KLF12: variants seen among roughly 807,000 people sequenced by gnomAD.
KLF12 encodes KLF transcription factor 12, also known as Krueppel-like factor 12.
Under a neutral mutation model 37.8 loss-of-function variants are expected in KLF12, and 9 were observed. That is an observed-to-expected ratio of 0.24 (90% confidence interval 0.14 to 0.42). The LOEUF (loss-of-function observed/expected upper bound fraction) is 0.42, where lower values mean the gene tolerates loss of function less well. KLF12 is among the 10% of genes least tolerant of loss of function. The pLI is 1.00. For synonymous variants in KLF12, 208 were observed against 202.1 expected, an observed-to-expected ratio of 1.03 and a Z score of -0.25; for missense variants, 411 against 516.0, an observed-to-expected ratio of 0.80 and a Z score of 1.97.
At chr13:74,051,259 C>T (rs940712454) in intron 1 of KLF12, among the ~76,000 whole-genome samples, 1 of 151,852 alleles carries the variant, frequency 6.6e-6, no homozygotes, top group African/African-American at 2.4e-5. Context: ...CAGCAGTAAT[C>T]ACAATATTTG....
chr13:73,887,020 AAGTATAACTTTTTT>A (rs1887260411), intron 3 of KLF12, among the ~76,000 whole-genome samples: 1 of 151,900 alleles, frequency 6.6e-6, no homozygotes, highest in Non-Finnish European at 1.5e-5. Flanking sequence ...AAGAAAAGAA[AAGTATAACTTTTTT>A]AGCATATCCA....
intron 1 of KLF12, among the ~76,000 whole-genome samples, chr13:74,124,916 C>T (rs538481698): frequency 2.0e-5 from 3 of 152,164 alleles, no homozygotes; most frequent in South Asian, 2.1e-4. Context: ...AGCAGCAAGG[C>T]GGGTGGATCA....
the KLF12 span, among the ~76,000 whole-genome samples, chr13:74,287,349 T>TGTGAGAGAGAGAGAGAGA: frequency 4.2e-5 from 3 of 71,866 alleles, no homozygotes; most frequent in Non-Finnish European, 2.5e-5. Context: ...CTATCAAAGT[T>TGTGAGAGAGAGAGAGAGA]GAGAGAGAGA....
chr13:74,192,944 A>G, the KLF12 span, among the ~76,000 whole-genome samples: 2 of 151,414 alleles, frequency 1.3e-5, no homozygotes, highest in Non-Finnish European at 2.9e-5. Context: ...CCTTAGAATC[A>G]GATTGAAAGC....
rs532292204 is a variant in KLF12, at chr13:73,926,918, T to A, written c.123+17063A>T. Among the ~76,000 whole-genome samples the A allele has an allele frequency of 2.1e-5, 3 of 142,390 alleles. No homozygotes were observed. The East Asian group carries it at 6.4e-4, about 30-fold the overall frequency. 93.4% of individuals were successfully genotyped at this position (142,390 alleles called of 152,430 possible). A position where few individuals can be genotyped will look rare whatever the true frequency, so the allele number is the denominator to read the frequency against. ...AACTGAGAACATGACAGAACAGCAC[T>A]CAACTCCGTGTCTCCTTTGAAAAAA... is the stretch of plus-strand genomic sequence containing the variant. On this transcript the variant is annotated intron_variant, in intron 3 of 7. Transcript: ENST00000377669.
At chr13:74,159,873 C>A in the KLF12 span, among the ~76,000 whole-genome samples, 1 of 151,794 alleles carries the variant, frequency 6.6e-6, no homozygotes, top group Non-Finnish European at 1.5e-5. Flanking sequence ...ACAAAAACTG[C>A]ATGTCTGTGT....
intron 2 of KLF12, among the ~76,000 whole-genome samples, chr13:73,970,040 G>GTATAACTC (rs1354729730): frequency 6.6e-6 from 1 of 152,144 alleles, no homozygotes; most frequent in Non-Finnish European, 1.5e-5. Context: ...CCTCATGCCA[G>GTATAACTC]TGGTACAAGC....
intron 1 of KLF12, among the ~76,000 whole-genome samples, chr13:74,011,759 A>G (rs983295338): frequency 5.3e-5 from 8 of 152,210 alleles, no homozygotes; most frequent in East Asian, 1.9e-4. Flanking sequence ...ATGCCATTTT[A>G]TATCAGGGAT....
At chr13:73,959,822 A>C (rs1890964036) in intron 2 of KLF12, among the ~76,000 whole-genome samples, 1 of 152,172 alleles carries the variant, frequency 6.6e-6, no homozygotes, top group Non-Finnish European at 1.5e-5. Context: ...GGCAATGCAT[A>C]ATAAAACTTT....
At chr13:73,937,260 CA>C (rs1250497623) in intron 3 of KLF12, among the ~76,000 whole-genome samples, 2 of 151,974 alleles carry the variant, frequency 1.3e-5, no homozygotes, top group Non-Finnish European at 2.9e-5. Flanking sequence ...GGTATGCAAA[CA>C]TTAGCTCAAG....
At chr13:73,946,256 C>T (rs1047218882) in intron 2 of KLF12, among the ~76,000 whole-genome samples, 3 of 152,058 alleles carry the variant, frequency 2.0e-5, no homozygotes, top group South Asian at 2.1e-4. Context: ...AGACAAAGAG[C>T]GATTCTGGAA....
intron 1 of KLF12, among the ~76,000 whole-genome samples, chr13:74,073,525 CCA>C (rs1297744910): frequency 6.6e-6 from 1 of 152,140 alleles, no homozygotes; most frequent in Non-Finnish European, 1.5e-5. Context: ...TTCAGCTGCA[CCA>C]GCTGCTGACT....
chr13:74,159,684 C>T, the KLF12 span, among the ~76,000 whole-genome samples: 1 of 152,136 alleles, frequency 6.6e-6, no homozygotes, highest in Non-Finnish European at 1.5e-5. Context: ...AAGATAGTCT[C>T]TGCTCTAAAA....
At chr13:74,179,245 C>T in the KLF12 span, among the ~76,000 whole-genome samples, 1 of 152,160 alleles carries the variant, frequency 6.6e-6, no homozygotes, top group Non-Finnish European at 1.5e-5. Flanking sequence ...CCCATTTGGA[C>T]AGGAGCCATT....
At chr13:73,978,920 C>G (rs186991466) in intron 2 of KLF12, among the ~76,000 whole-genome samples, 1 of 152,244 alleles carries the variant, frequency 6.6e-6, no homozygotes, top group East Asian at 1.9e-4. Flanking sequence ...TCTGAAAAGG[C>G]TACACACTAT....
intron 3 of KLF12, among the ~76,000 whole-genome samples, chr13:73,943,224 T>C (rs1310757817): frequency 2.0e-5 from 3 of 152,208 alleles, no homozygotes; most frequent in Admixed American, 6.5e-5. Context: ...GCTGCCTCAG[T>C]GGTGGTGGTT....
intron 6 of KLF12, among the ~76,000 whole-genome samples, chr13:73,751,512 G>A (rs1878754331): frequency 6.6e-6 from 1 of 152,184 alleles, no homozygotes; most frequent in Non-Finnish European, 1.5e-5. Context: ...GGCATGTGGG[G>A]TGAGGAAGAG....
At chr13:74,224,940 T>A in the KLF12 span, among the ~76,000 whole-genome samples, 150 of 152,260 alleles carry the variant, frequency 9.9e-4, no homozygotes, top group Admixed American at 9.8e-3. Flanking sequence ...GAAAAGGTAG[T>A]GCATTTTGAT....
At chr13:73,937,899 T>C (rs957556085) in intron 3 of KLF12, among the ~76,000 whole-genome samples, 1 of 152,176 alleles carries the variant, frequency 6.6e-6, no homozygotes, top group Non-Finnish European at 1.5e-5. Flanking sequence ...AGCAGATATT[T>C]CTTTCCGCTT....
Sources: allele counts gnomAD v4.1 joint callset (sites outside exome capture counted in the v4.1 genomes callset), GRCh38; gene constraint gnomAD v4.1.1; transcripts MANE v1.5; gene names NCBI Gene and HGNC (gene_info 2026-07-23, HGNC 2026-07-21).